Variants in PPM1A observed in about 807,000 individuals in gnomAD.
PPM1A encodes protein phosphatase, Mg2+/Mn2+ dependent 1A.
A neutral mutation model predicts 35.0 loss-of-function variants in PPM1A; 7 were observed. That is an observed-to-expected ratio of 0.20 (90% CI 0.11 to 0.38). PPM1A has a LOEUF of 0.38. Among genes scored for constraint, PPM1A ranks in the 10% least tolerant of loss-of-function variants. The pLI, the probability that PPM1A is intolerant of heterozygous loss-of-function variation, is 1.00. For missense variants in PPM1A, 239 were observed against 467.8 expected (o/e 0.51, Z 4.51); for synonymous variants, 153 against 167.3 (o/e 0.91, Z 0.66).
At chr14:60,285,946 G>A in intron 3 of PPM1A, 1 of 1,265,690 alleles carries the variant, frequency 7.9e-7, no homozygotes. Context: ...CAACTAGTGT[G>A]GAAAGTAACC....
At position 60,249,969 on chromosome 14, in the gene PPM1A, T is replaced by G. The variant is rs1882167755; in HGVS notation, c.-21+292T>G. 1.3e-5 allele frequency among the ~76,000 whole-genome samples: 2 copies of G among 151,478 alleles called. No individual in the cohort carries two copies. Among genetic ancestry groups the G allele is most frequent in the African/African-American group, 2.4e-5 (1 of 41,340 alleles). ...GGCCGTCCGCGGCCGAGATGGGTGT[T>G]TGTGGCGGCGAAGCAGGCGACGGCC... On this transcript the variant is annotated intron_variant, in intron 1 of 5. Coordinates refer to ENST00000395076, the MANE Select transcript of PPM1A (RefSeq NM_021003.5). The surrounding 1 kb of genome is among the most constrained non-coding windows in gnomAD (Gnocchi z 4.5).
intron 1 of PPM1A, chr14:60,250,461 T>G (rs974103924): frequency 6.1e-6 from 6 of 981,684 alleles, no homozygotes; most frequent in Non-Finnish European, 7.3e-6. Context: ...TAGATACGTT[T>G]TGAAAATTTC....
rs1424218877 is a variant in PPM1A, at chr14:60,298,997, C to T, written c.*6515C>T. ...TCATTGAAAAATTGCATTCAGCCTGCGAATGGTTGCAGATTGTATGTTAGA... is the reference window on the plus strand; with the variant it reads ...TCATTGAAAAATTGCATTCAGCCTGTGAATGGTTGCAGATTGTATGTTAGA... On this transcript the variant is annotated 3_prime_UTR_variant, in exon 6 of 6. Transcript: ENST00000395076. 4 of 151,622 alleles carry T rather than the reference C, an allele frequency of 2.6e-5. No homozygotes were observed. The highest frequency in any genetic ancestry group is 6.6e-5 in the Admixed American group (1 of 15,204). The allele number at this position is 151,622 out of a possible 1,614,324, so 9.4% of individuals were successfully genotyped here. A position where few individuals can be genotyped will look rare whatever the true frequency, so the allele number is the denominator to read the frequency against.
Position 60,292,615 on chromosome 14 carries a change from G to C in PPM1A, c.*133G>C. On this transcript the variant is annotated 3_prime_UTR_variant, in exon 6 of 6. Coordinates refer to ENST00000395076, the MANE Select transcript of PPM1A (RefSeq NM_021003.5). The surrounding 1 kb of genome is among the most constrained non-coding windows in gnomAD (Gnocchi z 4.2). The stretch of plus-strand genomic sequence containing the variant: ...CATGGGTGAGAATGATTACATCAGA[G>C]AACTTCAGCAGTACAACAGCTAGCC... The C allele has an allele frequency of 1.6e-6, 1 of 623,512 alleles. No homozygotes were observed. The highest frequency in any genetic ancestry group is 2.6e-6 in the Non-Finnish European group (1 of 385,340). 38.6% of individuals were successfully genotyped at this position (623,512 alleles called of 1,614,324 possible). A position where few individuals can be genotyped will look rare whatever the true frequency, so the allele number is the denominator to read the frequency against.
At position 60,283,451 on chromosome 14, in the gene PPM1A, C is replaced by G; in HGVS notation, c.748C>G (p.Leu250Val). Reference sequence around the variant, plus strand: ...CTGGGATGTTATGGGAAATGAAGAGCTCTGTGATTTTGTAAGATCCAGACT... The same window carrying G: ...CTGGGATGTTATGGGAAATGAAGAGGTCTGTGATTTTGTAAGATCCAGACT... ...GIWDVMGNEE[L>V]CDFVRSRLEV... Residue 250 changes from leucine (L) to valine (V), a missense_variant, in exon 2 of 6, where the codon CTC becomes GTC. Coordinates refer to ENST00000395076, the MANE Select transcript of PPM1A (RefSeq NM_021003.5). This position sits in a 1 kb window ranked among gnomAD's most constrained non-coding sequence, Gnocchi z 6.3. 6.2e-7 allele frequency: 1 copy of G among 1,614,072 alleles called. No individual in the cohort carries two copies. Among genetic ancestry groups the G allele is most frequent in the Non-Finnish European group, 8.5e-7 (1 of 1,180,028 alleles).
At chr14:60,262,116 G>A (rs1001297225) in intron 1 of PPM1A, among the ~76,000 whole-genome samples, 2 of 152,260 alleles carry the variant, frequency 1.3e-5, no homozygotes, top group South Asian at 4.1e-4. Flanking sequence ...TAGATAAAAT[G>A]TGTTATCTGA....
chr14:60,265,619 T>A (rs1884283849), intron 1 of PPM1A, among the ~76,000 whole-genome samples: 1 of 152,244 alleles, frequency 6.6e-6, no homozygotes, highest in African/African-American at 2.4e-5. Context: ...CATTTTGTGT[T>A]GCTATCACAG....
chr14:60,285,802 C>CT lies in PPM1A; in HGVS notation c.952+64dup, dbSNP rs759705473. ...AAGAAAAATCTTCAACACAATCAAA[C>CT]TTTAACATTTTAGCTTTTAGATTTT... On this transcript the variant is annotated intron_variant, in intron 3 of 5. Transcript: ENST00000395076. 5.0e-6 allele frequency: 8 copies of CT among 1,586,932 alleles called. No homozygotes were observed. In the South Asian group the frequency reaches 6.9e-5, roughly 14 times the overall value.
rs1886592325 is a variant in PPM1A at position 60,283,156 on chromosome 14, T to G, written c.453T>G (p.Leu151=). The G allele has an allele frequency of 6.2e-7, 1 of 1,614,232 alleles. No individual in the cohort carries two copies. Among genetic ancestry groups the G allele is most frequent in the Non-Finnish European group, 8.5e-7 (1 of 1,180,042 alleles). Residue 151 remains leucine, a synonymous_variant, in exon 2 of 6, where the codon CTT becomes CTG. Coordinates refer to ENST00000395076, the MANE Select transcript of PPM1A (RefSeq NM_021003.5). This position sits in a 1 kb window ranked among gnomAD's most constrained non-coding sequence, Gnocchi z 6.3. ...FINCGDSRGL[L]CRNRKVHFFT... The stretch of plus-strand genomic sequence containing the variant: ...ACTGTGGAGACTCAAGAGGTTTACT[T>G]TGTAGGAACAGGAAAGTTCATTTCT...
chr14:60,250,018 G>T (rs957271138), intron 1 of PPM1A, among the ~76,000 whole-genome samples: 1 of 151,480 alleles, frequency 6.6e-6, no homozygotes, highest in South Asian at 2.1e-4. Flanking sequence ...GCCGGAGAGC[G>T]GCCTGCAGAA....
chr14:60,296,612 A>G lies in PPM1A; in HGVS notation c.*4130A>G. On this transcript the variant is annotated 3_prime_UTR_variant, in exon 6 of 6. Coordinates refer to ENST00000395076, the MANE Select transcript of PPM1A (RefSeq NM_021003.5). This position sits in a 1 kb window ranked among gnomAD's most constrained non-coding sequence, Gnocchi z 4.4. ...TAGAGTTCAAAATTTTAGAAGCCTA[A>G]TTTGCTCTTACTTCCTTCAATTATG... The G allele has an allele frequency of 3.0e-6, 1 of 334,466 alleles. No homozygotes were observed. Among genetic ancestry groups the G allele is most frequent in the Non-Finnish European group, 5.5e-6 (1 of 181,100 alleles). The allele number at this position is 334,466 out of a possible 1,614,324, so 20.7% of individuals were successfully genotyped here.
Position 60,255,175 on chromosome 14 carries a change from TTTTGTTTTG to T in PPM1A, c.-21+5502_-21+5510del, listed in dbSNP as rs1235203476. Among the ~76,000 whole-genome samples the T allele has an allele frequency of 8.4e-5, 5 of 59,558 alleles. 1 individual carries two copies. The highest frequency in any genetic ancestry group is 4.6e-4 in the African/African-American group (2 of 4,328). 39.1% of individuals were successfully genotyped at this position (59,558 alleles called of 152,430 possible). Reference sequence around the variant, plus strand: ...CTATCATATGTTTTTTTTTTTTTTGTTTTGTTTTGTTTTTGAGACAGAGTCTCGCTCTGT... The same window carrying T: ...CTATCATATGTTTTTTTTTTTTTTGTTTTTTGAGACAGAGTCTCGCTCTGT... On this transcript the variant is annotated intron_variant, in intron 1 of 5. Transcript: ENST00000395076.
In PPM1A at chr14:60,282,173, A is replaced by G. The variant is rs1447628274; in HGVS notation, c.-20-511A>G. ...TTGAAGGAGCATGCAAATTTGGAGCATTGTGAGTAGATTATTTTTTAGTTT... is the reference window on the plus strand; with the variant it reads ...TTGAAGGAGCATGCAAATTTGGAGCGTTGTGAGTAGATTATTTTTTAGTTT... On this transcript the variant is annotated intron_variant, in intron 1 of 5. Coordinates refer to ENST00000395076, the MANE Select transcript of PPM1A (RefSeq NM_021003.5). This position sits in a 1 kb window ranked among gnomAD's most constrained non-coding sequence, Gnocchi z 5.1. 1.3e-5 allele frequency among the ~76,000 whole-genome samples: 2 copies of G among 152,212 alleles called. No individual in the cohort carries two copies. Among genetic ancestry groups the G allele is most frequent in the Non-Finnish European group, 2.9e-5 (2 of 68,042 alleles).
chr14:60,292,185 A>T lies in PPM1A; in HGVS notation c.1120-268A>T, dbSNP rs1386401635. ...TTAAAAAATTCTTTTTAGTAGATTT[A>T]TTGATTGAGTAATACATTTGGACAG... On this transcript the variant is annotated intron_variant, in intron 5 of 5. Coordinates refer to ENST00000395076, the MANE Select transcript of PPM1A (RefSeq NM_021003.5). This position sits in a 1 kb window ranked among gnomAD's most constrained non-coding sequence, Gnocchi z 4.2. Among the ~76,000 whole-genome samples, 1 of 151,932 alleles carries T rather than the reference A, an allele frequency of 6.6e-6. No individual in the cohort carries two copies. Among genetic ancestry groups the T allele is most frequent in the Non-Finnish European group, 1.5e-5 (1 of 67,994 alleles).
intron 1 of PPM1A, among the ~76,000 whole-genome samples, chr14:60,257,466 A>G (rs1449530185): frequency 6.6e-6 from 1 of 152,220 alleles, no homozygotes; most frequent in Non-Finnish European, 1.5e-5. Context: ...AGCATGGGTC[A>G]TGTATAATCA....
At chr14:60,248,117 G>A (rs1467487806), upstream of PPM1A, among the ~76,000 whole-genome samples, 1 of 152,198 alleles carries the variant, frequency 6.6e-6, no homozygotes, top group Non-Finnish European at 1.5e-5. Flanking sequence ...CTGCTCCTAG[G>A]CTGCGATTCA....
At chr14:60,254,283 G>A (rs564252104) in intron 1 of PPM1A, among the ~76,000 whole-genome samples, 1 of 120,556 alleles carries the variant, frequency 8.3e-6, no homozygotes, top group Admixed American at 7.7e-5. Context: ...AGTTATAGAA[G>A]AAAGAGAAAG....
intron 1 of PPM1A, chr14:60,268,579 T>C (rs1356054099): frequency 1.3e-5 from 3 of 228,304 alleles, no homozygotes; most frequent in Non-Finnish European, 2.2e-5. Context: ...TTATTTTGTA[T>C]GTGTGTGTGG....
chr14:60,249,545 C>T lies in PPM1A; in HGVS notation c.-153C>T, dbSNP rs950569506. 6 of 984,994 alleles carry T rather than the reference C, an allele frequency of 6.1e-6. No homozygotes were observed. The highest frequency in any genetic ancestry group is 3.5e-5 in the African/African-American group (2 of 57,098). 61.0% of individuals were successfully genotyped at this position (984,994 alleles called of 1,614,324 possible). A position where few individuals can be genotyped will look rare whatever the true frequency, so the allele number is the denominator to read the frequency against. On this transcript the variant is annotated 5_prime_UTR_variant, in exon 1 of 6. Coordinates refer to ENST00000395076, the MANE Select transcript of PPM1A (RefSeq NM_021003.5). This position sits in a 1 kb window ranked among gnomAD's most constrained non-coding sequence, Gnocchi z 4.5. ...CTCCCCTCCTCCGCCCCTTCCCCAG[C>T]CTGACCTGGCCCGCCGCTGCAGCGG...
Sources: gnomAD v4.1 joint callset for allele counts (sites outside exome capture counted in the v4.1 genomes callset) on GRCh38, gnomAD v4.1.1 for gene constraint, Gnocchi (gnomAD v3.1) non-coding constraint, MANE v1.5 for transcripts, NCBI Gene and HGNC (gene_info 2026-07-23, HGNC 2026-07-21) for gene names.